POLR1C: variants seen among roughly 807,000 people sequenced by gnomAD.
The protein encoded by POLR1C is RNA polymerase I and III subunit C.
In POLR1C, 42 loss-of-function variants were observed where a neutral mutation model predicts 38.3. The ratio of observed to expected loss-of-function variants is 1.10; its 90% confidence interval spans 0.86 to 1.42. The LOEUF (loss-of-function observed/expected upper bound fraction) is 1.42, where lower values mean the gene tolerates loss of function less well. POLR1C is among the 40% of genes most tolerant of loss of function. The pLI is 0.00. For synonymous variants in POLR1C, 163 were observed against 163.9 expected (o/e 0.99, Z 0.04); for missense variants, 507 against 450.5 (o/e 1.13, Z -1.14).
At chr6:43,525,276 TTACA>T, downstream of POLR1C, 2 of 1,468,174 alleles carry the variant, frequency 1.4e-6, no homozygotes, top group Non-Finnish European at 9.2e-7. Context: ...CTGATGATTA[TTACA>T]CATCAGGAGC....
At chr6:43,551,189 G>T in intron 10 of POLR1C, 1 of 1,193,178 alleles carries the variant, frequency 8.4e-7, no homozygotes, top group South Asian at 2.0e-5. Context: ...CTAGTAATTT[G>T]AGTCCAGCCT....
chr6:43,551,059 T>C (rs1244116830), intron 10 of POLR1C: 6 of 332,258 alleles, frequency 1.8e-5, no homozygotes, highest in African/African-American at 8.5e-5. Context: ...GCTGTGTTTA[T>C]TAGTTTGCCT....
At chr6:43,556,711 T>C (rs931504289) in intron 10 of POLR1C, among the ~76,000 whole-genome samples, 6 of 152,050 alleles carry the variant, frequency 3.9e-5, no homozygotes, top group African/African-American at 1.4e-4. Flanking sequence ...AACAAAACCT[T>C]GTATATAAAT....
At chr6:43,548,742 GTATATCT>G (rs1795087550) in intron 9 of POLR1C, among the ~76,000 whole-genome samples, 1 of 150,548 alleles carries the variant, frequency 6.6e-6, no homozygotes, top group Non-Finnish European at 1.5e-5. Flanking sequence ...AGATATATAT[GTATATCT>G]ATATATATAT....
intron 8 of POLR1C, chr6:43,526,850 A>G: frequency 8.1e-7 from 1 of 1,229,872 alleles, no homozygotes; most frequent in Admixed American, 2.0e-5. Context: ...CAGGTGAGGA[A>G]GGAGGAAGAT....
Position 43,551,473 on chromosome 6 carries a change from C to T in POLR1C, c.*48+462C>T, listed in dbSNP as rs373404290. ...AATTTCCTGTAACAAAGACATAAAA[C>T]AGGTTGACAATGGCTGCCTCCACTT... On this transcript the variant is annotated intron_variant, in intron 10 of 10. Transcript: ENST00000607635. The T allele has an allele frequency of 1.9e-6, 3 of 1,606,422 alleles. No homozygotes were observed. The African/African-American group carries it at 4.0e-5, about 22-fold the overall frequency.
At chr6:43,524,139 G>A (rs1460049446), downstream of POLR1C, 3 of 1,325,314 alleles carry the variant, frequency 2.3e-6, no homozygotes, top group South Asian at 2.9e-5. Context: ...ATCACCTGAG[G>A]TCAGGAGTTC....
In POLR1C at chr6:43,540,176, G is replaced by A. The variant is rs184529171; in HGVS notation, c.*5-10792G>A. Among the ~76,000 whole-genome samples the A allele has an allele frequency of 7.2e-3, 1,099 of 152,188 alleles. 17 individuals are homozygous for A. Among genetic ancestry groups the A allele is most frequent in the African/African-American group, 0.025 (1,039 of 41,514 alleles). On this transcript the variant is annotated intron_variant, in intron 9 of 10. Coordinates refer to the POLR1C transcript ENST00000607635. ...AGGCCAAGGAGGGGGGATCACCTGA[G>A]GTCAGGAGTTCAAGACCAGGCTGGC...
At chr6:43,535,989 G>A (rs1291023102) in intron 9 of POLR1C, among the ~76,000 whole-genome samples, 3 of 150,664 alleles carry the variant, frequency 2.0e-5, no homozygotes, top group African/African-American at 4.9e-5. Context: ...CGAGTATGGC[G>A]GTGCATGCCT....
downstream of POLR1C, chr6:43,533,985 G>A: frequency 1.2e-6 from 2 of 1,604,262 alleles, no homozygotes; most frequent in Admixed American, 1.7e-5. Context: ...AGCATTTCTG[G>A]TGCATATAAT....
At chr6:43,520,506 G>C (rs1220734060) in intron 6 of POLR1C, 79 bp downstream of exon 6, 1 of 1,601,956 alleles carries the variant, frequency 6.2e-7, no homozygotes, top group Non-Finnish European at 8.5e-7. Context: ...ACTCAGCTGA[G>C]ACATTCCCGG....
At position 43,520,566 on chromosome 6, in the gene POLR1C, G is replaced by T. The variant is rs903303034; in HGVS notation, c.656-59G>T. 6.8e-6 allele frequency: 11 copies of T among 1,606,266 alleles called. 1 individual carries two copies. Among genetic ancestry groups the T allele is most frequent in the South Asian group, 4.4e-5 (4 of 90,934 alleles). ...GCTTTTGCTGTTAGTAGCTTAGGAG[G>T]AGTATTCTTCCTAACCCTAGAAGGG... On this transcript the variant is annotated intron_variant, in intron 6 of 8. Coordinates refer to ENST00000642195, the MANE Select transcript of POLR1C (RefSeq NM_203290.4).
intron 8 of POLR1C, chr6:43,526,550 A>T: frequency 1.0e-6 from 1 of 958,690 alleles, no homozygotes; most frequent in South Asian, 1.5e-5. Context: ...ACACAGCAAG[A>T]GGGCTGGTCC....
chr6:43,521,020 G>A lies in POLR1C; in HGVS notation c.894G>A (p.Arg298=), dbSNP rs757367771. 1 of 1,614,158 alleles carries A rather than the reference G, an allele frequency of 6.2e-7. No homozygotes were observed. The highest frequency in any genetic ancestry group is 8.5e-7 in the Non-Finnish European group (1 of 1,180,002). Residue 298 remains arginine (R), a synonymous_variant, in exon 8 of 9, where the codon AGG becomes AGA. Transcript: ENST00000642195. Reference sequence around the variant, plus strand: ...ATGAGAAGCTAAAGAAGGTTGTGAGGCTTGCCCGGGTTCGAGATCATTATA... The same window carrying A: ...ATGAGAAGCTAAAGAAGGTTGTGAGACTTGCCCGGGTTCGAGATCATTATA... ...FRNEKLKKVV[R]LARVRDHYIF... is the part of the protein sequence containing the mutation.
At chr6:43,536,118 G>C (rs1423010441) in intron 9 of POLR1C, among the ~76,000 whole-genome samples, 1 of 145,466 alleles carries the variant, frequency 6.9e-6, no homozygotes, top group Non-Finnish European at 1.5e-5. Flanking sequence ...AAAAAAAAAA[G>C]TCATTCGCTA....
At chr6:43,546,275 T>G (rs1794960393) in intron 9 of POLR1C, among the ~76,000 whole-genome samples, 1 of 151,708 alleles carries the variant, frequency 6.6e-6, no homozygotes, top group African/African-American at 2.4e-5. Context: ...CAAATAAAAC[T>G]TACAAGTAAA....
chr6:43,539,672 G>A (rs1030307705), intron 9 of POLR1C: 2 of 1,030,784 alleles, frequency 1.9e-6, no homozygotes, highest in African/African-American at 1.6e-5. Flanking sequence ...AGGGCCTCCA[G>A]GCCCCCCCAC....
intron 2 of POLR1C, 79 bp from the exon 3 acceptor site, chr6:43,519,254 G>C (rs970986909): frequency 1.2e-6 from 1 of 857,918 alleles, no homozygotes; most frequent in African/African-American, 1.7e-5. Flanking sequence ...ATACTTGAGG[G>C]AATTATCTAA....
downstream of POLR1C, among the ~76,000 whole-genome samples, chr6:43,521,953 T>A (rs1278231129): frequency 1.3e-5 from 2 of 152,192 alleles, no homozygotes; most frequent in African/African-American, 4.8e-5. Flanking sequence ...TCCTGAGAAT[T>A]GGCAAATTAA....
Sources: gnomAD v4.1 joint callset for allele counts (sites outside exome capture counted in the v4.1 genomes callset) on GRCh38, gnomAD v4.1.1 for gene constraint, MANE v1.5 for transcripts, NCBI Gene and HGNC (gene_info 2026-07-23, HGNC 2026-07-21) for gene names.